The following JCAD variants were observed in gnomAD, a reference collection of about 807,000 sequenced individuals.
JCAD encodes the protein junctional cadherin 5 associated.
Under a neutral mutation model 98.0 loss-of-function variants are expected in JCAD, and 40 were observed. The ratio of observed to expected loss-of-function variants is 0.41; its 90% CI spans 0.32 to 0.53. JCAD has a LOEUF of 0.53. JCAD is among the 20% of genes least tolerant of loss of function. JCAD has a pLI of 0.31. For synonymous variants in JCAD, 691 were observed against 682.3 expected (o/e 1.01, Z -0.20); for missense variants, 1,705 against 1,738.1 (o/e 0.98, Z 0.34).
rs1836508467 is a variant in JCAD at position 30,015,154 on chromosome 10, C to G, written c.*2729G>C. The G allele has an allele frequency of 6.6e-6, 1 of 152,174 alleles. No individual in the cohort carries two copies. Among genetic ancestry groups the G allele is most frequent in the South Asian group, 2.1e-4 (1 of 4,818 alleles). The allele number at this position is 152,174 out of a possible 1,614,324, so 9.4% of individuals were successfully genotyped here. A position where few individuals can be genotyped will look rare whatever the true frequency, so the allele number is the denominator to read the frequency against. The stretch of plus-strand genomic sequence containing the variant: ...AATACTAATCCATTGCATATGTAAT[C>G]CCTCATATAATTTTTAGCCCAAATG... On this transcript the variant is annotated 3_prime_UTR_variant, in exon 4 of 4. Coordinates refer to ENST00000375377, the MANE Select transcript of JCAD (RefSeq NM_020848.4).
rs1407595359 is a variant in JCAD at position 30,028,978 on chromosome 10, G to C, written c.1170C>G (p.Pro390=). Residue 390 remains proline (P), a synonymous_variant, in exon 3 of 4, where the codon CCC becomes CCG. Transcript: ENST00000375377. ...AGASGQPPSG[P]PGTGNEYGVS... is the part of the protein sequence containing the mutation. ...CACCATACTCATTCCCAGTTCCAGG[G>C]GGGCCTGAAGGAGGCTGACCGCTGG... 1 of 1,614,020 alleles carries C rather than the reference G, an allele frequency of 6.2e-7. No individual in the cohort carries two copies. Among genetic ancestry groups the C allele is most frequent in the Non-Finnish European group, 8.5e-7 (1 of 1,180,026 alleles).
chr10:30,078,784 G>A (rs188724722), intron 1 of JCAD, among the ~76,000 whole-genome samples: 165 of 152,272 alleles, frequency 1.1e-3, no homozygotes, highest in African/African-American at 3.8e-3. Flanking sequence ...TGACAGTTAC[G>A]AGGATGGTGA....
At chr10:30,066,599 CAG>C (rs1194386630) in intron 2 of JCAD, among the ~76,000 whole-genome samples, 2 of 152,192 alleles carry the variant, frequency 1.3e-5, no homozygotes, top group South Asian at 2.1e-4. Flanking sequence ...TTCAAGCAGA[CAG>C]GGGTGTGGCC....
At chr10:30,019,695 T>C (rs1489123708) in intron 3 of JCAD, among the ~76,000 whole-genome samples, 2 of 152,016 alleles carry the variant, frequency 1.3e-5, no homozygotes, top group Non-Finnish European at 2.9e-5. Flanking sequence ...ACTGAGTGCA[T>C]AGGATGGTGA....
intron 1 of JCAD, among the ~76,000 whole-genome samples, chr10:30,054,698 T>G (rs1837532799): frequency 6.8e-6 from 1 of 147,200 alleles, no homozygotes; most frequent in Non-Finnish European, 1.5e-5. Flanking sequence ...TGAGACGGAG[T>G]CTCGCTGTCG....
intron 3 of JCAD, among the ~76,000 whole-genome samples, chr10:30,019,779 C>T (rs1836618702): frequency 6.6e-6 from 1 of 152,028 alleles, no homozygotes; most frequent in African/African-American, 2.4e-5. Flanking sequence ...TCAGCACACA[C>T]TCAAAAAAAC....
intron 2 of JCAD, among the ~76,000 whole-genome samples, chr10:30,067,117 C>T (rs1405533076): frequency 6.6e-6 from 1 of 151,694 alleles, no homozygotes; most frequent in African/African-American, 2.4e-5. Context: ...CTACAGTGAG[C>T]CATGATCATG....
At chr10:30,078,378 TG>T (rs1000651817) in intron 1 of JCAD, among the ~76,000 whole-genome samples, 12 of 152,214 alleles carry the variant, frequency 7.9e-5, no homozygotes, top group Non-Finnish European at 1.6e-4. Context: ...GCACTCTCTC[TG>T]GGGCAGGATG....
intron 1 of JCAD, among the ~76,000 whole-genome samples, chr10:30,084,181 AGAGG>A (rs950013804): frequency 4.0e-5 from 6 of 150,716 alleles, no homozygotes; most frequent in South Asian, 2.2e-4. Flanking sequence ...GGAGGAAGGA[AGAGG>A]GAGGGAGGGA....
chr10:30,027,825 G>A lies in JCAD; in HGVS notation c.2323C>T (p.Pro775Ser). The change falls in exon 3 of 4, where the codon CCG becomes TCG. Residue 775 changes from proline (P) to serine (S), a missense_variant. Pro to Ser is a moderately conservative substitution (Grantham distance 74, BLOSUM62 -1). Coordinates refer to ENST00000375377, the MANE Select transcript of JCAD (RefSeq NM_020848.4). Reference protein sequence around the residue: ...SRTSLSVDQAPTPKAGRSQPC... With the variant: ...SRTSLSVDQASTPKAGRSQPC... ...TGACTTCGGCCTGCTTTTGGCGTCG[G>A]TGCCTGGTCCACGGACAAGGAAGTC... 1.2e-6 allele frequency: 2 copies of A among 1,614,282 alleles called. No homozygotes were observed. The highest frequency in any genetic ancestry group is 2.2e-5 in the East Asian group (1 of 44,888).
chr10:30,090,540 C>CAGGAA (rs553455815), intron 1 of JCAD, among the ~76,000 whole-genome samples: 5 of 119,880 alleles, frequency 4.2e-5, no homozygotes, highest in South Asian at 5.2e-4. Context: ...GACTCTGTCT[C>CAGGAA]AGGAAAGGAA....
rs868328739 is a variant in JCAD, at chr10:30,059,530, C to A, written c.-108G>T. Reference sequence around the variant, plus strand: ...CGCGCCGCCACCGCCGCCGCTCCGGCCGGCCGGGGACCAGCGCGACCCGCC... The same window carrying A: ...CGCGCCGCCACCGCCGCCGCTCCGGACGGCCGGGGACCAGCGCGACCCGCC... On this transcript the variant is annotated 5_prime_UTR_variant, in exon 1 of 4. Transcript: ENST00000375377. This position sits in a 1 kb window ranked among gnomAD's most constrained non-coding sequence, Gnocchi z 5.0. 3.8e-4 allele frequency: 57 copies of A among 148,648 alleles called. No homozygotes were observed. Among genetic ancestry groups the A allele is most frequent in the South Asian group, 9.1e-4 (5 of 5,516 alleles). 9.2% of individuals were successfully genotyped at this position (148,648 alleles called of 1,614,324 possible). A position where few individuals can be genotyped will look rare whatever the true frequency, so the allele number is the denominator to read the frequency against.
chr10:30,028,391 G>A lies in JCAD; in HGVS notation c.1757C>T (p.Pro586Leu), dbSNP rs1836890860. 6.2e-7 allele frequency: 1 copy of A among 1,614,178 alleles called. No homozygotes were observed. ...NETIFCLVSI[P>L]VKSESHLPDR... ...TGGCAGATGTGATTCTGATTTCACT[G>A]GGATAGAAACCAAGCAAAATATAGT... is the stretch of plus-strand genomic sequence containing the variant. The change falls in exon 3 of 4, where the codon CCA (proline) becomes CTA (leucine). Residue 586 changes from proline (P) to leucine (L), a missense_variant. Pro to Leu is a moderately conservative substitution (Grantham distance 98). Transcript: ENST00000375377.
chr10:30,053,475 C>T (rs1837508995), intron 1 of JCAD, among the ~76,000 whole-genome samples: 1 of 150,750 alleles, frequency 6.6e-6, no homozygotes, highest in Admixed American at 6.6e-5. Flanking sequence ...GTGGGAGGAT[C>T]CTTTGAACCT....
intron 2 of JCAD, among the ~76,000 whole-genome samples, chr10:30,043,060 T>C (rs1439689420): frequency 1.3e-5 from 2 of 152,246 alleles, no homozygotes; most frequent in East Asian, 1.9e-4. Flanking sequence ...GAACCAACTC[T>C]TGGTCCTTCT....
chr10:30,090,052 A>G (rs1420423948), intron 1 of JCAD, among the ~76,000 whole-genome samples: 4 of 152,232 alleles, frequency 2.6e-5, no homozygotes, highest in African/African-American at 7.2e-5. Context: ...TATGTAGTCA[A>G]GTGCCATCAT....
At chr10:30,083,158 C>T (rs1001557274) in intron 1 of JCAD, among the ~76,000 whole-genome samples, 2 of 152,024 alleles carry the variant, frequency 1.3e-5, no homozygotes, top group African/African-American at 4.8e-5. Flanking sequence ...TGTGTAATCT[C>T]TTATTTTTTT....
chr10:30,088,661 G>T (rs1349206925), intron 1 of JCAD, among the ~76,000 whole-genome samples: 5 of 152,116 alleles, frequency 3.3e-5, no homozygotes, highest in South Asian at 2.1e-4. Context: ...AAGGAGAGAG[G>T]CAGAGTCCAA....
chr10:30,068,988 G>T (rs1334146509), intron 2 of JCAD, among the ~76,000 whole-genome samples: 1 of 152,236 alleles, frequency 6.6e-6, no homozygotes, highest in East Asian at 1.9e-4. Context: ...ATGGCCTGAG[G>T]TGCCTCTTGT....
Sources: gnomAD v4.1 joint callset for allele counts (sites outside exome capture counted in the v4.1 genomes callset) on GRCh38, gnomAD v4.1.1 for gene constraint, Gnocchi (gnomAD v3.1) non-coding constraint, MANE v1.5 for transcripts, NCBI Gene and HGNC (gene_info 2026-07-23, HGNC 2026-07-21) for gene names.